Variants in NFIB observed in about 807,000 individuals in gnomAD.
NFIB encodes nuclear factor 1 B-type.
A neutral mutation model predicts 61.5 loss-of-function variants in NFIB; 11 were observed. That is an observed-to-expected ratio of 0.18 (90% CI 0.11 to 0.30). NFIB has a LOEUF of 0.30. NFIB is among the 10% of genes least tolerant of loss of function. NFIB has a pLI of 1.00. For missense variants in NFIB, 471 were observed against 608.9 expected (o/e 0.77, Z 2.38); for synonymous variants, 260 against 216.5 (o/e 1.20, Z -1.76).
intron 2 of NFIB, among the ~76,000 whole-genome samples, chr9:14,284,174 A>G (rs765105282): frequency 1.3e-5 from 2 of 152,184 alleles, no homozygotes; most frequent in Non-Finnish European, 2.9e-5. Context: ...GAGAATACCT[A>G]GTTCCCTGGG....
chr9:14,481,197 G>GTATATATATATATATATA, the NFIB span, among the ~76,000 whole-genome samples: 1,195 of 45,454 alleles, frequency 0.026, 148 homozygotes, highest in Non-Finnish European at 0.032. Context: ...GTGTGTGTGT[G>GTATATATATATATATATA]TATATATATA....
At chr9:14,417,781 T>G in the NFIB span, among the ~76,000 whole-genome samples, 1 of 141,660 alleles carries the variant, frequency 7.1e-6, no homozygotes, top group Non-Finnish European at 1.5e-5. Context: ...ACAGTTTTTT[T>G]TTTTTTTTTT....
chr9:14,146,887 T>A, intron 5 of NFIB, 80 bp from the exon 6 acceptor site: 3 of 1,558,856 alleles, frequency 1.9e-6, no homozygotes, highest in Non-Finnish European at 1.7e-6. Flanking sequence ...TCTGAGAAGA[T>A]CCTTACTGTG....
intron 2 of NFIB, among the ~76,000 whole-genome samples, chr9:14,196,933 AT>A (rs1244249825): frequency 6.6e-6 from 1 of 152,206 alleles, no homozygotes; most frequent in Non-Finnish European, 1.5e-5. Context: ...TTTATTAATG[AT>A]TAAGACAACT....
chr9:14,214,596 A>G (rs570749964), intron 2 of NFIB, among the ~76,000 whole-genome samples: 1 of 152,340 alleles, frequency 6.6e-6, no homozygotes, highest in East Asian at 1.9e-4. Context: ...AAACAAAATC[A>G]TATTATGGAT....
At position 14,313,382 on chromosome 9, in the gene NFIB, T is replaced by C. The variant is rs2060383823; in HGVS notation, c.30+100A>G. On this transcript the variant is annotated intron_variant, in intron 1 of 10. Transcript: ENST00000380953. The surrounding 1 kb of genome is among the most constrained non-coding windows in gnomAD (Gnocchi z 4.5). ...GGGCCACTTCTCCAAGGGACGGGGA[T>C]GTGCGGAGGTTAACTCAAGCCGCTA... 2.6e-6 allele frequency: 4 copies of C among 1,536,726 alleles called. No individual in the cohort carries two copies. The highest frequency in any genetic ancestry group is 1.7e-5 in the Admixed American group (1 of 58,758).
the NFIB span, among the ~76,000 whole-genome samples, chr9:14,446,222 G>T: frequency 6.6e-6 from 1 of 152,138 alleles, no homozygotes; most frequent in Non-Finnish European, 1.5e-5. Flanking sequence ...TCTAAGTATG[G>T]ATTTCTTTTT....
intron 1 of NFIB, among the ~76,000 whole-genome samples, chr9:14,388,484 A>AG (rs1491304061): frequency 1.3e-5 from 2 of 149,724 alleles, no homozygotes; most frequent in East Asian, 1.9e-4. Flanking sequence ...AGAGAGAGAG[A>AG]AAGAGAGAGA....
At chr9:14,475,167 G>C in the NFIB span, among the ~76,000 whole-genome samples, 1 of 152,174 alleles carries the variant, frequency 6.6e-6, no homozygotes, top group African/African-American at 2.4e-5. Flanking sequence ...ATAAAATCTT[G>C]TGAAGATACT....
intron 2 of NFIB, among the ~76,000 whole-genome samples, chr9:14,266,605 C>T (rs944380471): frequency 6.7e-6 from 1 of 149,356 alleles, no homozygotes; most frequent in African/African-American, 2.5e-5. Context: ...AAAAAAAAAA[C>T]AATAAAATAA....
chr9:14,476,089 C>G, the NFIB span, among the ~76,000 whole-genome samples: 2 of 152,156 alleles, frequency 1.3e-5, no homozygotes, highest in Admixed American at 6.5e-5. Context: ...AAATTTGAAA[C>G]AGACAGAAAA....
intron 10 of NFIB, among the ~76,000 whole-genome samples, chr9:14,093,258 G>A (rs1397491940): frequency 6.6e-6 from 1 of 152,078 alleles, no homozygotes; most frequent in Non-Finnish European, 1.5e-5. Flanking sequence ...TAACACACTA[G>A]TTAAACAGTT....
chr9:14,254,607 T>C (rs1429356664), intron 2 of NFIB, among the ~76,000 whole-genome samples: 1 of 152,192 alleles, frequency 6.6e-6, no homozygotes, highest in Non-Finnish European at 1.5e-5. Context: ...GGTTCTCTAA[T>C]AGCTGCTCAA....
At chr9:14,220,974 T>C (rs2051596096) in intron 2 of NFIB, among the ~76,000 whole-genome samples, 1 of 151,656 alleles carries the variant, frequency 6.6e-6, no homozygotes, top group Non-Finnish European at 1.5e-5. Context: ...TACTAGCCCA[T>C]CTACTCCCTC....
At chr9:14,379,493 C>T (rs553696295) in intron 1 of NFIB, among the ~76,000 whole-genome samples, 3 of 152,194 alleles carry the variant, frequency 2.0e-5, no homozygotes, top group African/African-American at 4.8e-5. Flanking sequence ...CCCACTTACT[C>T]GCTATTTTAA....
At chr9:14,453,421 A>C in the NFIB span, among the ~76,000 whole-genome samples, 2 of 152,228 alleles carry the variant, frequency 1.3e-5, no homozygotes, top group African/African-American at 4.8e-5. Context: ...CTTACATCCT[A>C]ATAGGTTTTT....
At chr9:14,358,729 C>T (rs2061205293) in intron 1 of NFIB, among the ~76,000 whole-genome samples, 1 of 152,170 alleles carries the variant, frequency 6.6e-6, no homozygotes, top group Non-Finnish European at 1.5e-5. Context: ...GACTCAGGCC[C>T]CATCAGTCAG....
At chr9:14,483,554 TTC>T in the NFIB span, among the ~76,000 whole-genome samples, 1 of 152,180 alleles carries the variant, frequency 6.6e-6, no homozygotes, top group Admixed American at 6.5e-5. Context: ...ACACTACTAG[TTC>T]TGTGATTTTC....
At chr9:14,234,179 G>T (rs2053501271) in intron 2 of NFIB, among the ~76,000 whole-genome samples, 1 of 152,158 alleles carries the variant, frequency 6.6e-6, no homozygotes, top group South Asian at 2.1e-4. Context: ...TTACTCTCTA[G>T]ATTGGATGGC....
Sources: allele counts gnomAD v4.1 joint callset (sites outside exome capture counted in the v4.1 genomes callset), GRCh38; gene constraint gnomAD v4.1.1; non-coding constraint Gnocchi (gnomAD v3.1); transcripts MANE v1.5; gene names NCBI Gene and HGNC (gene_info 2026-07-23, HGNC 2026-07-21).